The following CDYL variants were observed in gnomAD, a reference collection of about 807,000 sequenced individuals.
The protein encoded by CDYL is chromodomain Y like, also known as chromodomain Y-like protein.
Under a neutral mutation model 47.3 loss-of-function variants are expected in CDYL, and 8 were observed. That is an observed-to-expected ratio of 0.17 (90% CI 0.10 to 0.31). The LOEUF is 0.31. Among genes scored for constraint, CDYL ranks in the 10% least tolerant of loss-of-function variants. The pLI is 1.00. For missense variants in CDYL, 471 were observed against 701.4 expected (o/e 0.67, Z 3.71); for synonymous variants, 266 against 265.0 (o/e 1.00, Z -0.04).
chr6:4,756,307 T>TA (rs1413445727), intron 3 of CDYL, among the ~76,000 whole-genome samples: 3 of 152,166 alleles, frequency 2.0e-5, no homozygotes, highest in African/African-American at 4.8e-5. Context: ...CAATAGCTGA[T>TA]AAAATTCACT....
At chr6:4,841,676 T>A (rs928268601) in intron 1 of CDYL, among the ~76,000 whole-genome samples, 1 of 152,046 alleles carries the variant, frequency 6.6e-6, no homozygotes, top group African/African-American at 2.4e-5. Context: ...AGCAGGTTAT[T>A]TAATTTTTAT....
chr6:4,895,646 C>T (rs906933269), intron 2 of CDYL, among the ~76,000 whole-genome samples: 1 of 152,016 alleles, frequency 6.6e-6, no homozygotes, highest in South Asian at 2.1e-4. Context: ...TTAACCCGCA[C>T]GTCCAGTTTT....
chr6:4,744,493 C>T (rs984955651), intron 3 of CDYL, among the ~76,000 whole-genome samples: 1 of 57,988 alleles, frequency 1.7e-5, no homozygotes. Context: ...AAGACCCTGT[C>T]TCAAAAAAAA....
At chr6:4,744,411 C>T (rs537507727) in intron 3 of CDYL, among the ~76,000 whole-genome samples, 1 of 152,182 alleles carries the variant, frequency 6.6e-6, no homozygotes, top group South Asian at 2.1e-4. Flanking sequence ...AGGAGGATTG[C>T]TTGAGCCCAG....
intron 5 of CDYL, among the ~76,000 whole-genome samples, chr6:4,946,157 AG>A (rs1758510290): frequency 6.6e-6 from 1 of 152,090 alleles, no homozygotes; most frequent in Non-Finnish European, 1.5e-5. Context: ...CCCTCTGGCC[AG>A]CCCTGGGTGG....
intron 4 of CDYL, among the ~76,000 whole-genome samples, chr6:4,939,924 G>T (rs903042381): frequency 4.6e-5 from 7 of 152,138 alleles, no homozygotes; most frequent in African/African-American, 1.7e-4. Context: ...GTGCCTTCTG[G>T]GTCCTGGCTC....
chr6:4,842,803 A>G (rs1760540192), intron 1 of CDYL, among the ~76,000 whole-genome samples: 1 of 152,126 alleles, frequency 6.6e-6, no homozygotes, highest in South Asian at 2.1e-4. Flanking sequence ...AATACACAAC[A>G]TGGGAACGAA....
intron 2 of CDYL, among the ~76,000 whole-genome samples, chr6:4,900,829 A>ATATATC (rs1757026164): frequency 2.5e-5 from 2 of 80,252 alleles, no homozygotes; most frequent in Non-Finnish European, 5.0e-5. Flanking sequence ...ATATATATAT[A>ATATATC]TCTTGCCTGT....
chr6:4,905,592 C>A (rs1757210843), intron 2 of CDYL, among the ~76,000 whole-genome samples: 1 of 152,152 alleles, frequency 6.6e-6, no homozygotes, highest in Non-Finnish European at 1.5e-5. Context: ...TCATAAAATT[C>A]ATGTTTGAGA....
At chr6:4,812,144 A>G (rs141560505) in intron 1 of CDYL, among the ~76,000 whole-genome samples, 39 of 152,332 alleles carry the variant, frequency 2.6e-4, no homozygotes, top group African/African-American at 7.9e-4. Flanking sequence ...GTGAACATAG[A>G]AAGTACTGCC....
At chr6:4,851,572 G>A (rs538495843) in intron 1 of CDYL, among the ~76,000 whole-genome samples, 3 of 152,144 alleles carry the variant, frequency 2.0e-5, no homozygotes, top group Non-Finnish European at 4.4e-5. Context: ...AGAAACAGAC[G>A]ATTTGCTCGG....
At chr6:4,887,720 A>G (rs572227375) in intron 1 of CDYL, among the ~76,000 whole-genome samples, 9 of 152,222 alleles carry the variant, frequency 5.9e-5, no homozygotes, top group South Asian at 2.1e-4. Context: ...TAGAACTCCA[A>G]TACAATGTTG....
In CDYL at chr6:4,903,524, A is replaced by T. The variant is rs1294106333; in HGVS notation, c.691+11145A>T. Reference sequence around the variant, plus strand: ...AAAATCTACTTAAAGGGTTCATTGAACTTCAACAACAAGTGAAATAATAAA... The same window carrying T: ...AAAATCTACTTAAAGGGTTCATTGATCTTCAACAACAAGTGAAATAATAAA... On this transcript the variant is annotated intron_variant, in intron 2 of 6. Transcript: ENST00000397588. Among the ~76,000 whole-genome samples the T allele has an allele frequency of 2.6e-5, 4 of 152,316 alleles. No individual in the cohort carries two copies. In the East Asian group the frequency reaches 7.7e-4, roughly 29 times the overall value.
At chr6:4,925,425 T>TG (rs1223386480) in intron 2 of CDYL, among the ~76,000 whole-genome samples, 4 of 147,506 alleles carry the variant, frequency 2.7e-5, no homozygotes, top group African/African-American at 1.0e-4. Flanking sequence ...TTTTTTTTTT[T>TG]TTTTGAGACA....
At chr6:4,724,069 TGCTCTGACACCCAG>T (rs1757432398) in intron 2 of CDYL, among the ~76,000 whole-genome samples, 1 of 152,196 alleles carries the variant, frequency 6.6e-6, no homozygotes, top group Admixed American at 6.5e-5. Context: ...GAGAGAGTCT[TGCTCTGACACCCAG>T]GCTCTGGAGT....
At chr6:4,763,302 CAAAA>C (rs1189412293) in intron 3 of CDYL, among the ~76,000 whole-genome samples, 1 of 151,694 alleles carries the variant, frequency 6.6e-6, no homozygotes. Context: ...CAAAACAAAA[CAAAA>C]AAACCAAAGG....
chr6:4,741,219 T>G (rs1485866439), intron 3 of CDYL, among the ~76,000 whole-genome samples: 1 of 152,168 alleles, frequency 6.6e-6, no homozygotes, highest in Non-Finnish European at 1.5e-5. Context: ...AGGTATTTCT[T>G]TTCAACCTCC....
At chr6:4,919,381 C>T (rs1278656353) in intron 2 of CDYL, among the ~76,000 whole-genome samples, 1 of 152,100 alleles carries the variant, frequency 6.6e-6, no homozygotes, top group African/African-American at 2.4e-5. Context: ...GCTAGAGATT[C>T]TTGCACAATT....
At chr6:4,848,699 C>T (rs1386947215) in intron 1 of CDYL, among the ~76,000 whole-genome samples, 2 of 152,192 alleles carry the variant, frequency 1.3e-5, no homozygotes, top group Admixed American at 6.5e-5. Context: ...TATAGCTGCC[C>T]AATGGCTTGC....
Sources: gnomAD v4.1 joint callset for allele counts (sites outside exome capture counted in the v4.1 genomes callset) on GRCh38, gnomAD v4.1.1 for gene constraint, MANE v1.5 for transcripts, NCBI Gene and HGNC (gene_info 2026-07-23, HGNC 2026-07-21) for gene names.